FGF12: variants seen among roughly 807,000 people sequenced by gnomAD.
FGF12 encodes the protein fibroblast growth factor 12B.
A neutral mutation model predicts 23.6 loss-of-function variants in FGF12; 14 were observed. That is an observed-to-expected ratio of 0.59 (90% CI 0.39 to 0.93). The LOEUF is 0.93. Among genes scored for constraint, FGF12 ranks in the 40% least tolerant of loss-of-function variants. The probability of loss-of-function intolerance (pLI) is 0.00; values close to 1 mark genes in which losing one functional copy is unlikely to be tolerated. For missense variants in FGF12, 175 were observed against 217.8 expected, an observed-to-expected ratio of 0.80 and a Z score of 1.24; for synonymous variants, 62 against 77.3, an observed-to-expected ratio of 0.80 and a Z score of 1.04.
At chr3:192,567,945 G>A (rs956375609) in intron 2 of FGF12, among the ~76,000 whole-genome samples, 33 of 151,564 alleles carry the variant, frequency 2.2e-4, no homozygotes, top group African/African-American at 7.8e-4. Flanking sequence ...TGATTCTCCT[G>A]CCTCAGCCTC....
rs375026845 is a variant in FGF12 at position 192,254,911 on chromosome 3, A to G, written c.228+80450T>C. On this transcript the variant is annotated intron_variant, in intron 4 of 5. Coordinates refer to ENST00000445105, the MANE Select transcript of FGF12 (RefSeq NM_004113.6). ...CAAATTATTTGGAACATTAGGTAAC[A>G]TTATATAATTTTTGCTAAGTTTCAA... Among the ~76,000 whole-genome samples, 58 of 152,200 alleles carry G rather than the reference A, an allele frequency of 3.8e-4. No individual in the cohort carries two copies. The South Asian group carries it at 4.8e-3, about 13-fold the overall frequency.
chr3:192,407,879 G>C (rs1343277251), intron 2 of FGF12: 3 of 900,744 alleles, frequency 3.3e-6, no homozygotes, highest in Non-Finnish European at 5.1e-6. Context: ...TGACAGAGTG[G>C]TTGAAAGAAG....
chr3:192,674,189 A>G lies in FGF12; in HGVS notation c.13+52992T>C, dbSNP rs905608293. Among the ~76,000 whole-genome samples, 3 of 152,058 alleles carry G rather than the reference A, an allele frequency of 2.0e-5. 1 individual carries two copies. Among genetic ancestry groups the G allele is most frequent in the Non-Finnish European group, 2.9e-5 (2 of 67,984 alleles). ...TTAACCTTGTGACAAATTATTATGT[A>G]CCATAGACTTGGGTCAGCTGCTTTG... On this transcript the variant is annotated intron_variant, in intron 2 of 5. Coordinates refer to ENST00000445105, the MANE Select transcript of FGF12 (RefSeq NM_004113.6).
At chr3:192,620,111 C>T (rs1272409029) in intron 2 of FGF12, among the ~76,000 whole-genome samples, 4 of 152,116 alleles carry the variant, frequency 2.6e-5, no homozygotes, top group Non-Finnish European at 4.4e-5. Context: ...GCATCCACTT[C>T]CTGTCAACAC....
chr3:192,494,428 C>T (rs949620356), intron 2 of FGF12, among the ~76,000 whole-genome samples: 1 of 152,162 alleles, frequency 6.6e-6, no homozygotes, highest in Admixed American at 6.5e-5. Context: ...ATCTGTCAAA[C>T]CTACTTCTAC....
chr3:192,454,029 C>A (rs1422421355), intron 2 of FGF12, among the ~76,000 whole-genome samples: 7 of 151,692 alleles, frequency 4.6e-5, no homozygotes. Context: ...ATCTACATTT[C>A]TCTCCTTTTT....
At chr3:192,660,254 G>C (rs889409861) in intron 2 of FGF12, among the ~76,000 whole-genome samples, 1 of 150,550 alleles carries the variant, frequency 6.6e-6, no homozygotes, top group African/African-American at 2.4e-5. Flanking sequence ...GCAAACTATC[G>C]CAAGGACAAA....
intron 4 of FGF12, among the ~76,000 whole-genome samples, chr3:192,327,666 T>C (rs1361063946): frequency 1.3e-5 from 2 of 151,902 alleles, no homozygotes; most frequent in African/African-American, 4.8e-5. Context: ...GTCCAATGTT[T>C]GCCTAGTTAT....
At chr3:192,164,280 G>C (rs1479216731) in intron 5 of FGF12, among the ~76,000 whole-genome samples, 1 of 152,196 alleles carries the variant, frequency 6.6e-6, no homozygotes, top group Non-Finnish European at 1.5e-5. Flanking sequence ...GAATCAGGAA[G>C]CCTGTGCTAT....
chr3:192,282,010 A>G (rs184175261), intron 4 of FGF12, among the ~76,000 whole-genome samples: 1 of 152,336 alleles, frequency 6.6e-6, no homozygotes, highest in East Asian at 1.9e-4. Context: ...TGACATACAG[A>G]GAACACACTA....
intron 2 of FGF12, among the ~76,000 whole-genome samples, chr3:192,376,312 T>C (rs969629330): frequency 2.6e-5 from 4 of 151,234 alleles, no homozygotes; most frequent in African/African-American, 7.3e-5. Context: ...TTCTTACTAT[T>C]GTCATTGCTA....
chr3:192,167,767 ATAAAATTT>A lies in FGF12; in HGVS notation c.427+2683_427+2690del, dbSNP rs1215704528. 1.6e-3 allele frequency among the ~76,000 whole-genome samples: 48 copies of A among 29,348 alleles called. 3 individuals carry two copies. Among genetic ancestry groups the A allele is most frequent in the Non-Finnish European group, 1.8e-3 (28 of 15,962 alleles). The allele number at this position is 29,348 out of a possible 152,430, so 19.3% of individuals were successfully genotyped here. ...TATATATATATATATATATATATAT[ATAAAATTT>A]TTTTTTTTTTTTTTTTTTGAGAAAG... On this transcript the variant is annotated intron_variant, in intron 5 of 5. Coordinates refer to ENST00000445105, the MANE Select transcript of FGF12 (RefSeq NM_004113.6).
At chr3:192,312,049 A>T (rs1050922697) in intron 4 of FGF12, among the ~76,000 whole-genome samples, 1 of 151,944 alleles carries the variant, frequency 6.6e-6, no homozygotes, top group African/African-American at 2.4e-5. Context: ...AGAGTTCTTT[A>T]TATATTCTAG....
intron 2 of FGF12, among the ~76,000 whole-genome samples, chr3:192,692,969 C>T (rs1717993481): frequency 6.7e-6 from 1 of 148,474 alleles, no homozygotes; most frequent in Non-Finnish European, 1.5e-5. Context: ...CAAGAATAAC[C>T]AGAAAAGAAA....
chr3:192,411,000 G>C (rs754685143), intron 2 of FGF12, among the ~76,000 whole-genome samples: 6 of 152,066 alleles, frequency 3.9e-5, no homozygotes, highest in Non-Finnish European at 7.3e-5. Context: ...GACACTTCAC[G>C]AAGCATCTAG....
intron 4 of FGF12, among the ~76,000 whole-genome samples, chr3:192,325,327 C>T (rs111986935): frequency 0.035 from 5,395 of 152,088 alleles, 313 homozygotes; most frequent in African/African-American, 0.12. Flanking sequence ...AAGGAAATCA[C>T]GAGCATATGA....
At chr3:192,180,480 A>G (rs1275427535) in intron 4 of FGF12, among the ~76,000 whole-genome samples, 1 of 152,198 alleles carries the variant, frequency 6.6e-6, no homozygotes, top group East Asian at 1.9e-4. Context: ...ATGACTGAAC[A>G]GGAAAATCAT....
At position 192,514,974 on chromosome 3, in the gene FGF12, CGAGGCGCT is replaced by C; in HGVS notation, c.14-154444_14-154437del. On this transcript the variant is annotated intron_variant, in intron 2 of 5. Transcript: ENST00000445105. The surrounding 1 kb of genome is among the most constrained non-coding windows in gnomAD (Gnocchi z 4.9). The stretch of plus-strand genomic sequence containing the variant: ...CGCCGGGGGCAGCCCTCCGAGAGCC[CGAGGCGCT>C]GCCACCCCTCGGTGGGCTCGAGCAC... The C allele has an allele frequency of 1.7e-6, 1 of 579,112 alleles. No individual in the cohort carries two copies. The highest frequency in any genetic ancestry group is 2.2e-6 in the Non-Finnish European group (1 of 459,014). 35.9% of individuals were successfully genotyped at this position (579,112 alleles called of 1,614,324 possible). A position where few individuals can be genotyped will look rare whatever the true frequency, so the allele number is the denominator to read the frequency against.
chr3:192,469,755 G>C (rs1412986120), intron 2 of FGF12, among the ~76,000 whole-genome samples: 8 of 152,286 alleles, frequency 5.3e-5, no homozygotes, highest in African/African-American at 1.9e-4. Flanking sequence ...TCCATCACTG[G>C]GGGATGGAAA....
Sources: allele counts gnomAD v4.1 joint callset (sites outside exome capture counted in the v4.1 genomes callset), GRCh38; gene constraint gnomAD v4.1.1; non-coding constraint Gnocchi (gnomAD v3.1); transcripts MANE v1.5; gene names NCBI Gene and HGNC (gene_info 2026-07-23, HGNC 2026-07-21).